The following ERI1 variants were observed in gnomAD, a reference collection of about 807,000 sequenced individuals.
The protein encoded by ERI1 is 3'-5' exoribonuclease 1.
In ERI1, 39 loss-of-function variants were observed where a neutral mutation model predicts 39.7. The observed-to-expected ratio is 0.98, with a 90% CI of 0.76 to 1.28. The LOEUF is 1.28. Ranked by LOEUF, ERI1 falls within the 50% of genes most tolerant of loss-of-function variation. The pLI, the probability that ERI1 is intolerant of heterozygous loss-of-function variation, is 0.00. For synonymous variants in ERI1, 204 were observed against 149.6 expected, an observed-to-expected ratio of 1.36 and a Z score of -2.65; for missense variants, 581 against 416.9, an observed-to-expected ratio of 1.39 and a Z score of -3.43.
At chr8:9,071,928 T>C (rs1799065562) in intron 3 of ERI1, among the ~76,000 whole-genome samples, 1 of 152,008 alleles carries the variant, frequency 6.6e-6, no homozygotes, top group South Asian at 2.1e-4. Context: ...TTAGCAAGCG[T>C]GGTGGTGCGT....
chr8:9,019,696 TTATAA>T (rs901300475), intron 5 of ERI1, among the ~76,000 whole-genome samples: 7 of 152,210 alleles, frequency 4.6e-5, no homozygotes, highest in Admixed American at 2.0e-4. Flanking sequence ...TTTAATTTTC[TTATAA>T]TATAGTTGAC....
intron 3 of ERI1, among the ~76,000 whole-genome samples, chr8:9,071,054 T>C (rs1799032654): frequency 6.6e-6 from 1 of 152,212 alleles, no homozygotes; most frequent in Admixed American, 6.5e-5. Flanking sequence ...TCTGTTGATT[T>C]CCAGTTTCCC....
Position 9,033,330 on chromosome 8 carries a change from T to A in ERI1, c.*3296T>A, listed in dbSNP as rs1329364189. The A allele has an allele frequency of 6.6e-6, 1 of 152,240 alleles. No homozygotes were observed. Among genetic ancestry groups the A allele is most frequent in the East Asian group, 1.9e-4 (1 of 5,198 alleles). The allele number at this position is 152,240 out of a possible 1,614,324, so 9.4% of individuals were successfully genotyped here. A position where few individuals can be genotyped will look rare whatever the true frequency, so the allele number is the denominator to read the frequency against. Reference sequence around the variant, plus strand: ...ATTTTAGTTTCTCTAAATAAAGTTTTGGAAAGAACTACCATTCTCATTTGT... The same window carrying A: ...ATTTTAGTTTCTCTAAATAAAGTTTAGGAAAGAACTACCATTCTCATTTGT... On this transcript the variant is annotated 3_prime_UTR_variant, in exon 7 of 7. Coordinates refer to ENST00000250263, the MANE Select transcript of ERI1 (RefSeq NM_153332.4).
chr8:9,070,726 G>A (rs750893736), intron 3 of ERI1, among the ~76,000 whole-genome samples: 20 of 152,336 alleles, frequency 1.3e-4, no homozygotes, highest in South Asian at 2.1e-4. Context: ...AACATTTGGC[G>A]TCTGAAAGAA....
intron 6 of ERI1, among the ~76,000 whole-genome samples, chr8:9,021,119 C>G (rs1368741401): frequency 1.3e-5 from 2 of 152,140 alleles, no homozygotes. Flanking sequence ...AGTCAGAGCA[C>G]TCAGTGTTCA....
At chr8:9,054,915 A>G (rs1798459302) in intron 3 of ERI1, among the ~76,000 whole-genome samples, 1 of 152,212 alleles carries the variant, frequency 6.6e-6, no homozygotes, top group African/African-American at 2.4e-5. Flanking sequence ...GTGACAAAGC[A>G]AGACTCTGTC....
chr8:9,096,708 CTTTTTT>C (rs557869870), intron 3 of ERI1: 8 of 96,580 alleles, frequency 8.3e-5, no homozygotes, highest in South Asian at 4.7e-4. Context: ...CTATTGCCAT[CTTTTTT>C]TTTTTTTTTT....
intron 3 of ERI1, among the ~76,000 whole-genome samples, chr8:9,092,903 G>T (rs1351747627): frequency 6.6e-6 from 1 of 152,182 alleles, no homozygotes; most frequent in African/African-American, 2.4e-5. Flanking sequence ...GGGCTGGGAG[G>T]GAGAATCTGT....
At position 9,030,088 on chromosome 8, in the gene ERI1, G is replaced by A. The variant is rs1332985082; in HGVS notation, c.*54G>A. The A allele has an allele frequency of 1.9e-5, 30 of 1,599,178 alleles. No homozygotes were observed. Among genetic ancestry groups the A allele is most frequent in the Non-Finnish European group, 8.6e-7 (1 of 1,169,444 alleles). ...TTGAAGTTGCTATGAAGAGGTAGCA[G>A]ATGAATCTCATTGAATTAGTCCTGT... is the stretch of plus-strand genomic sequence containing the variant. On this transcript the variant is annotated 3_prime_UTR_variant, in exon 7 of 7. Transcript: ENST00000250263.
At chr8:9,064,684 G>A (rs1798811417) in intron 3 of ERI1, among the ~76,000 whole-genome samples, 1 of 152,188 alleles carries the variant, frequency 6.6e-6, no homozygotes, top group African/African-American at 2.4e-5. Context: ...GGGCTGGTGG[G>A]TCTGAGGACC....
At chr8:9,095,250 G>C (rs1184933999) in intron 3 of ERI1, among the ~76,000 whole-genome samples, 1 of 152,128 alleles carries the variant, frequency 6.6e-6, no homozygotes. Context: ...TGGGTGTATT[G>C]GGTGATGCTG....
chr8:9,080,516 C>G (rs1180121041), intron 3 of ERI1, among the ~76,000 whole-genome samples: 1 of 152,258 alleles, frequency 6.6e-6, no homozygotes, highest in Non-Finnish European at 1.5e-5. Context: ...GGCCCTGACA[C>G]TTCTCCAGTT....
At chr8:9,079,118 G>A (rs1480995940) in intron 3 of ERI1, among the ~76,000 whole-genome samples, 1 of 151,980 alleles carries the variant, frequency 6.6e-6, no homozygotes, top group East Asian at 1.9e-4. Flanking sequence ...CATAGGGAGG[G>A]GAAAAAAGAT....
At chr8:9,095,434 T>A (rs73522713) in intron 3 of ERI1, among the ~76,000 whole-genome samples, 5,402 of 152,236 alleles carry the variant, frequency 0.035, 290 homozygotes, top group African/African-American at 0.12. Context: ...AGTTCAGCAT[T>A]GCAAATTCAA....
At chr8:9,046,215 A>T (rs1798170602) in intron 3 of ERI1, among the ~76,000 whole-genome samples, 1 of 152,136 alleles carries the variant, frequency 6.6e-6, no homozygotes, top group African/African-American at 2.4e-5. Flanking sequence ...CTCTGTCCTG[A>T]GAAGCGGTTC....
intron 4 of ERI1, among the ~76,000 whole-genome samples, 188 bp downstream of exon 4, chr8:9,016,593 C>T (rs961898377): frequency 2.0e-5 from 3 of 150,758 alleles, no homozygotes; most frequent in Admixed American, 6.6e-5. Context: ...ACATTTTCCT[C>T]AGCCTTTCCT....
At position 9,031,122 on chromosome 8, in the gene ERI1, A is replaced by C. The variant is rs1797557350; in HGVS notation, c.*1088A>C. The C allele has an allele frequency of 6.6e-6, 1 of 152,176 alleles. No individual in the cohort carries two copies. The highest frequency in any genetic ancestry group is 2.1e-4 in the South Asian group (1 of 4,830). 9.4% of individuals were successfully genotyped at this position (152,176 alleles called of 1,614,324 possible). A position where few individuals can be genotyped will look rare whatever the true frequency, so the allele number is the denominator to read the frequency against. ...TTCAGAATTGAATTTTTCTCCTTGT[A>C]GCTTTCAGGGAACAATTTCATTGAC... is the stretch of plus-strand genomic sequence containing the variant. On this transcript the variant is annotated 3_prime_UTR_variant, in exon 7 of 7. Transcript: ENST00000250263.
At chr8:9,094,741 G>A (rs115001851) in intron 3 of ERI1, among the ~76,000 whole-genome samples, 1,877 of 152,204 alleles carry the variant, frequency 0.012, 40 homozygotes, top group African/African-American at 0.043. Context: ...CCTGTAGGAC[G>A]GGCCCTTCCC....
At chr8:9,005,225 A>T (rs57395675) in intron 1 of ERI1, among the ~76,000 whole-genome samples, 6,632 of 152,210 alleles carry the variant, frequency 0.044, 408 homozygotes, top group African/African-American at 0.13. Flanking sequence ...CTTTTTTTAA[A>T]AGGTAGTACC....
Sources: allele counts gnomAD v4.1 joint callset (sites outside exome capture counted in the v4.1 genomes callset), GRCh38; gene constraint gnomAD v4.1.1; transcripts MANE v1.5; gene names NCBI Gene and HGNC (gene_info 2026-07-23, HGNC 2026-07-21).